Variants in DCAF10 observed in about 807,000 individuals in gnomAD.
DCAF10 encodes the protein DDB1 and CUL4 associated factor 10.
DCAF10 carries 19 observed loss-of-function variants against 51.9 expected under a neutral mutation model. The observed-to-expected ratio is 0.37, with a 90% CI of 0.26 to 0.54. The LOEUF is 0.54. Ranked by LOEUF, DCAF10 falls within the 20% of genes least tolerant of loss-of-function variation. The pLI, the probability that DCAF10 is intolerant of heterozygous loss-of-function variation, is 0.87. For missense variants in DCAF10, 510 were observed against 730.6 expected, an observed-to-expected ratio of 0.70 and a Z score of 3.48; for synonymous variants, 291 against 297.1, an observed-to-expected ratio of 0.98 and a Z score of 0.21.
chr9:37,849,698 T>G (rs1410755989), intron 3 of DCAF10, among the ~76,000 whole-genome samples: 1 of 152,084 alleles, frequency 6.6e-6, no homozygotes, highest in Non-Finnish European at 1.5e-5. Flanking sequence ...CTGACCAATA[T>G]AGTGAAACCC....
At chr9:37,836,501 C>A in intron 2 of DCAF10, 3 of 930,988 alleles carry the variant, frequency 3.2e-6, no homozygotes, top group Non-Finnish European at 5.3e-6. Context: ...TGAGTCTGCC[C>A]TAACTGCTCT....
intron 3 of DCAF10, among the ~76,000 whole-genome samples, chr9:37,846,073 A>G (rs1438623351): frequency 6.6e-6 from 1 of 152,182 alleles, no homozygotes. Flanking sequence ...AAAAAAAAAG[A>G]AAGACCAATC....
chr9:37,805,970 GCTA>G (rs1829102380), intron 1 of DCAF10, among the ~76,000 whole-genome samples: 1 of 152,112 alleles, frequency 6.6e-6, no homozygotes, highest in African/African-American at 2.4e-5. Flanking sequence ...CTTTGTCCCA[GCTA>G]CTCAGGTGGC....
intron 1 of DCAF10, among the ~76,000 whole-genome samples, chr9:37,810,523 G>C (rs750468180): frequency 6.6e-6 from 1 of 151,858 alleles, no homozygotes; most frequent in African/African-American, 2.4e-5. Flanking sequence ...GCGCAATGGC[G>C]CAATCTTGGC....
intron 1 of DCAF10, among the ~76,000 whole-genome samples, chr9:37,805,224 G>C (rs1829076019): frequency 6.6e-6 from 1 of 152,298 alleles, no homozygotes; most frequent in Admixed American, 6.5e-5. Flanking sequence ...GTTTATGCCT[G>C]TAATCCCAGC....
Position 37,836,443 on chromosome 9 carries a change from G to A in DCAF10, c.654-5646G>A, listed in dbSNP as rs1830167002. The A allele has an allele frequency of 2.1e-6, 3 of 1,418,620 alleles. No homozygotes were observed. In the African/African-American group the frequency reaches 4.2e-5, roughly 20 times the overall value. The allele number at this position is 1,418,620 out of a possible 1,614,324, so 87.9% of individuals were successfully genotyped here. A position where few individuals can be genotyped will look rare whatever the true frequency, so the allele number is the denominator to read the frequency against. ...TTTGCCTGAATTTGAAATGAGGGTG[G>A]GCCAGATGAGTATGTTTAAGTGGAG... On this transcript the variant is annotated intron_variant, in intron 2 of 6. Coordinates refer to ENST00000377724, the MANE Select transcript of DCAF10 (RefSeq NM_024345.5).
chr9:37,809,405 A>G (rs1829260653), intron 1 of DCAF10, among the ~76,000 whole-genome samples: 1 of 149,532 alleles, frequency 6.7e-6, no homozygotes, highest in African/African-American at 2.4e-5. Flanking sequence ...AAAAAAAAAA[A>G]AAAGGTAGAA....
chr9:37,863,614 T>C lies in DCAF10; in HGVS notation c.*2106T>C, dbSNP rs540542227. On this transcript the variant is annotated 3_prime_UTR_variant, in exon 7 of 7. Coordinates refer to ENST00000377724, the MANE Select transcript of DCAF10 (RefSeq NM_024345.5). ...GTGTTATGCTGTCTGTTAGAAATAA[T>C]GACTTATGGACACTTTGTCTTTAAG... 6.6e-6 allele frequency: 1 copy of C among 152,310 alleles called. No homozygotes were observed. The highest frequency in any genetic ancestry group is 6.5e-5 in the Admixed American group (1 of 15,304). 9.4% of individuals were successfully genotyped at this position (152,310 alleles called of 1,614,324 possible). A position where few individuals can be genotyped will look rare whatever the true frequency, so the allele number is the denominator to read the frequency against.
intron 2 of DCAF10, 61 bp downstream of exon 2, chr9:37,819,462 A>G: frequency 7.8e-7 from 1 of 1,288,030 alleles, no homozygotes; most frequent in Non-Finnish European, 1.1e-6. Flanking sequence ...CTGTTTTGGA[A>G]GTTAGTGAAA....
intron 1 of DCAF10, among the ~76,000 whole-genome samples, chr9:37,818,431 C>G (rs969393050): frequency 2.0e-5 from 3 of 151,934 alleles, no homozygotes; most frequent in African/African-American, 7.3e-5. Context: ...ATTTCATTTG[C>G]TAGAAATGAA....
chr9:37,850,826 T>TTATATATATATATATATA (rs71494679), intron 3 of DCAF10, among the ~76,000 whole-genome samples: 1 of 45,878 alleles, frequency 2.2e-5, no homozygotes, highest in Admixed American at 2.8e-4. Context: ...AGGATATATT[T>TTATATATATATATATATA]TATATATATA....
intron 3 of DCAF10, among the ~76,000 whole-genome samples, chr9:37,843,985 C>G (rs1830406052): frequency 6.6e-6 from 1 of 152,024 alleles, no homozygotes; most frequent in Non-Finnish European, 1.5e-5. Context: ...ACGTCAAAGA[C>G]AAAACAGTTG....
chr9:37,848,737 C>A (rs543101670), intron 3 of DCAF10, among the ~76,000 whole-genome samples: 2 of 143,994 alleles, frequency 1.4e-5, no homozygotes, highest in African/African-American at 2.7e-5. Flanking sequence ...TTTGGGAGGC[C>A]GAGGGAGGGT....
At position 37,864,602 on chromosome 9, in the gene DCAF10, A is replaced by T. The variant is rs1831099922; in HGVS notation, c.*3094A>T. ...CTGCCTCAAAAAAAAAAAAAAAAAT[A>T]AAATAAAATAAAATTAGTTTTGGAG... On this transcript the variant is annotated 3_prime_UTR_variant, in exon 7 of 7. Transcript: ENST00000377724. 6.6e-6 allele frequency: 1 copy of T among 151,474 alleles called. No homozygotes were observed. Among genetic ancestry groups the T allele is most frequent in the Non-Finnish European group, 1.5e-5 (1 of 67,888 alleles). 9.4% of individuals were successfully genotyped at this position (151,474 alleles called of 1,614,324 possible).
rs1324938168 is a variant in DCAF10, at chr9:37,819,299, C to G, written c.551C>G (p.Thr184Arg). 6.2e-7 allele frequency: 1 copy of G among 1,613,500 alleles called. No individual in the cohort carries two copies. The highest frequency in any genetic ancestry group is 1.3e-5 in the African/African-American group (1 of 74,896). Residue 184 changes from threonine to arginine, a missense_variant, in exon 2 of 7, where the codon ACA (threonine) becomes AGA (arginine). By Grantham distance (71) the Thr-to-Arg change is moderately conservative. This residue lies in a region of DCAF10 where 126 missense variants were observed against 271.5 expected (regional missense o/e 0.46). Coordinates refer to ENST00000377724, the MANE Select transcript of DCAF10 (RefSeq NM_024345.5). ...LEYSPDGSVLTVACEQTEVLL... is the reference protein window; with the variant it reads ...LEYSPDGSVLRVACEQTEVLL... ...TCATTTGCTTTCAGGTCAGTGCTGA[C>G]AGTTGCTTGTGAACAAACTGAAGTT...
intron 2 of DCAF10, chr9:37,836,162 A>G: frequency 7.1e-7 from 1 of 1,399,994 alleles, no homozygotes; most frequent in Admixed American, 1.7e-5. Context: ...TTCTCATATC[A>G]GTGCATATTT....
chr9:37,854,138 C>T (rs570718388), intron 3 of DCAF10, among the ~76,000 whole-genome samples: 1 of 150,644 alleles, frequency 6.6e-6, no homozygotes, highest in East Asian at 2.0e-4. Flanking sequence ...GTCTGTCTGT[C>T]ACCCAGGCTG....
rs1037872112 is a variant in DCAF10, at chr9:37,866,337, T to C, written c.*4829T>C. ...AAGTTATATTCATAATGTATTATTA[T>C]AAGTATCCAGCTCTGATGTATGTAA... is the stretch of plus-strand genomic sequence containing the variant. On this transcript the variant is annotated 3_prime_UTR_variant, in exon 7 of 7. Coordinates refer to ENST00000377724, the MANE Select transcript of DCAF10 (RefSeq NM_024345.5). 1.3e-5 allele frequency: 2 copies of C among 152,644 alleles called. No homozygotes were observed. Among genetic ancestry groups the C allele is most frequent in the Non-Finnish European group, 2.9e-5 (2 of 68,044 alleles). 9.5% of individuals were successfully genotyped at this position (152,644 alleles called of 1,614,324 possible).
chr9:37,863,302 G>T lies in DCAF10; in HGVS notation c.*1794G>T, dbSNP rs1831064268. On this transcript the variant is annotated 3_prime_UTR_variant, in exon 7 of 7. Coordinates refer to ENST00000377724, the MANE Select transcript of DCAF10 (RefSeq NM_024345.5). ...GATTGCACCACTGCACTCCAGCCTAGGCGACAGAGCGAGACTCTGTCTCAA... is the reference window on the plus strand; with the variant it reads ...GATTGCACCACTGCACTCCAGCCTATGCGACAGAGCGAGACTCTGTCTCAA... 1 of 137,298 alleles carries T rather than the reference G, an allele frequency of 7.3e-6. No individual in the cohort carries two copies. 8.5% of individuals were successfully genotyped at this position (137,298 alleles called of 1,614,324 possible). A position where few individuals can be genotyped will look rare whatever the true frequency, so the allele number is the denominator to read the frequency against.
Sources: allele counts gnomAD v4.1 joint callset (sites outside exome capture counted in the v4.1 genomes callset), GRCh38; gene constraint gnomAD v4.1.1; regional missense constraint gnomAD v4.1.1; transcripts MANE v1.5; gene names NCBI Gene and HGNC (gene_info 2026-07-23, HGNC 2026-07-21).